GORASP2: variants seen among roughly 807,000 people sequenced by gnomAD.
GORASP2 encodes the protein golgi reassembly stacking protein 2, also known as Golgi reassembly-stacking protein 2.
Under a neutral mutation model 45.7 loss-of-function variants are expected in GORASP2, and 22 were observed. The observed-to-expected ratio is 0.48, with a 90% CI of 0.34 to 0.69. The LOEUF (loss-of-function observed/expected upper bound fraction) is 0.69. Among genes scored for constraint, GORASP2 ranks in the 30% least tolerant of loss-of-function variants. The probability of loss-of-function intolerance (pLI) is 0.01; values close to 1 mark genes in which losing one functional copy is unlikely to be tolerated. For synonymous variants in GORASP2, 221 were observed against 215.6 expected (o/e 1.02, Z -0.22); for missense variants, 491 against 562.7 (o/e 0.87, Z 1.29).
chr2:170,943,876 T>A (rs1395635645), intron 1 of GORASP2, among the ~76,000 whole-genome samples: 1 of 152,088 alleles, frequency 6.6e-6, no homozygotes, highest in African/African-American at 2.4e-5. Context: ...GAGTCTCACT[T>A]TGTTGCCCAA....
intron 1 of GORASP2, among the ~76,000 whole-genome samples, chr2:170,944,135 T>A (rs1281920930): frequency 2.0e-5 from 3 of 152,144 alleles, no homozygotes; most frequent in Non-Finnish European, 4.4e-5. Flanking sequence ...GGAGATCTCA[T>A]AGGGGATAGA....
At chr2:170,948,538 A>G (rs1704228145) in intron 2 of GORASP2, 108 bp downstream of exon 2, 1 of 627,484 alleles carries the variant, frequency 1.6e-6, no homozygotes, top group Non-Finnish European at 2.8e-6. Context: ...CATTATGTGT[A>G]GTATGCCAAT....
intron 3 of GORASP2, 109 bp downstream of exon 3, chr2:170,949,851 G>C (rs1704260600): frequency 2.0e-6 from 2 of 978,450 alleles, no homozygotes; most frequent in Admixed American, 4.4e-5. Flanking sequence ...TTATTAATAG[G>C]CAATTTTTGC....
At chr2:170,945,037 T>G (rs1255098431) in intron 1 of GORASP2, among the ~76,000 whole-genome samples, 1 of 152,184 alleles carries the variant, frequency 6.6e-6, no homozygotes, top group Non-Finnish European at 1.5e-5. Flanking sequence ...TCACTTTTCT[T>G]GTGACTCCAG....
At chr2:170,947,431 C>T (rs1370935982) in intron 1 of GORASP2, among the ~76,000 whole-genome samples, 1 of 152,182 alleles carries the variant, frequency 6.6e-6, no homozygotes, top group Non-Finnish European at 1.5e-5. Flanking sequence ...ATGTTCTACC[C>T]TCTTTTTAAA....
In GORASP2 at chr2:170,956,606, T is replaced by C. The variant is rs1298205664; in HGVS notation, c.823+47T>C. The stretch of plus-strand genomic sequence containing the variant: ...GTTTTCAGTCTATTTTATGTAATAT[T>C]ATTGCATAGAATTTTAAAAATTGAC... On this transcript the variant is annotated intron_variant, in intron 7 of 9. Transcript: ENST00000234160. The C allele has an allele frequency of 3.3e-6, 5 of 1,520,396 alleles. No homozygotes were observed. The African/African-American group carries it at 5.6e-5, about 17-fold the overall frequency. The allele number at this position is 1,520,396 out of a possible 1,614,324, so 94.2% of individuals were successfully genotyped here. A position where few individuals can be genotyped will look rare whatever the true frequency, so the allele number is the denominator to read the frequency against.
intron 7 of GORASP2, among the ~76,000 whole-genome samples, chr2:170,958,921 C>G (rs1168671310): frequency 2.6e-5 from 4 of 152,138 alleles, no homozygotes; most frequent in Non-Finnish European, 4.4e-5. Context: ...CCGCCCGCCT[C>G]TGCTGCCCCA....
Position 170,966,175 on chromosome 2 carries a change from G to C in GORASP2, c.*45G>C. 7.4e-7 allele frequency: 1 copy of C among 1,355,636 alleles called. No homozygotes were observed. Among genetic ancestry groups the C allele is most frequent in the Non-Finnish European group, 1.1e-6 (1 of 945,218 alleles). 84.0% of individuals were successfully genotyped at this position (1,355,636 alleles called of 1,614,324 possible). On this transcript the variant is annotated 3_prime_UTR_variant, in exon 10 of 10. Transcript: ENST00000234160. ...ATTGGCGTGGTATATTTAACCACGGGAGCGTGTCTGGAAACGCAAACTATC... is the reference window on the plus strand; with the variant it reads ...ATTGGCGTGGTATATTTAACCACGGCAGCGTGTCTGGAAACGCAAACTATC...
chr2:170,929,939 G>A (rs778155761), intron 1 of GORASP2: 4 of 361,660 alleles, frequency 1.1e-5, no homozygotes, highest in South Asian at 7.9e-5. Context: ...AAATGGCCTG[G>A]AAGTAGGTTC....
At chr2:170,943,158 T>C (rs979797441) in intron 1 of GORASP2, among the ~76,000 whole-genome samples, 5 of 152,266 alleles carry the variant, frequency 3.3e-5, no homozygotes, top group South Asian at 2.1e-4. Context: ...TATTCTCTTA[T>C]GTTTTTCTCT....
intron 1 of GORASP2, among the ~76,000 whole-genome samples, chr2:170,946,864 C>T (rs867620596): frequency 3.3e-5 from 5 of 151,918 alleles, no homozygotes; most frequent in Admixed American, 6.6e-5. Context: ...TGCTTGAACC[C>T]GGGAGGTGGA....
chr2:170,942,611 G>A (rs529831388), intron 1 of GORASP2, among the ~76,000 whole-genome samples: 11 of 152,288 alleles, frequency 7.2e-5, no homozygotes, highest in Admixed American at 4.6e-4. Flanking sequence ...TCAGTTGGGG[G>A]ACATTTGGGC....
At chr2:170,929,074 C>G (rs1703746770), upstream of GORASP2, 2 of 374,994 alleles carry the variant, frequency 5.3e-6, no homozygotes, top group African/African-American at 4.2e-5. Context: ...CGCGGTGCCT[C>G]CCAGTCCTCC....
At chr2:170,933,597 A>G (rs1447029973) in intron 1 of GORASP2, among the ~76,000 whole-genome samples, 1 of 152,244 alleles carries the variant, frequency 6.6e-6, no homozygotes, top group East Asian at 1.9e-4. Flanking sequence ...AAGGTTCTCT[A>G]AAAAATTATT....
chr2:170,961,516 G>A (rs1704559817), intron 7 of GORASP2, 147 bp from the exon 8 acceptor site: 1 of 663,096 alleles, frequency 1.5e-6, no homozygotes, highest in Admixed American at 2.1e-5. Flanking sequence ...CGTAAAGGGT[G>A]ATGGACAGTC....
intron 1 of GORASP2, among the ~76,000 whole-genome samples, chr2:170,930,409 A>G (rs1384596517): frequency 6.6e-6 from 1 of 152,186 alleles, no homozygotes; most frequent in Non-Finnish European, 1.5e-5. Context: ...AGTGTCACTC[A>G]ATATTAGCTC....
At chr2:170,937,607 T>C (rs1240775364) in intron 1 of GORASP2, among the ~76,000 whole-genome samples, 1 of 151,474 alleles carries the variant, frequency 6.6e-6, no homozygotes. Flanking sequence ...AGTTCAAGAG[T>C]AGCCGTGGCA....
At position 170,933,843 on chromosome 2, in the gene GORASP2, A is replaced by G. The variant is rs181341182; in HGVS notation, c.63+4440A>G. Among the ~76,000 whole-genome samples, 69 of 152,210 alleles carry G rather than the reference A, an allele frequency of 4.5e-4. No individual in the cohort carries two copies. In the Middle Eastern group the frequency reaches 0.014, roughly 30 times the overall value. On this transcript the variant is annotated intron_variant, in intron 1 of 9. Coordinates refer to ENST00000234160, the MANE Select transcript of GORASP2 (RefSeq NM_015530.5). The stretch of plus-strand genomic sequence containing the variant: ...TGCTTCTGGGAGAGATTTTGAGGTG[A>G]TGGATATTTTGAAGGAAGGGTCATT...
chr2:170,937,625 G>A (rs1703986110), intron 1 of GORASP2, among the ~76,000 whole-genome samples: 1 of 152,080 alleles, frequency 6.6e-6, no homozygotes. Flanking sequence ...GCAAAATATT[G>A]AGAGCTTGAG....
Sources: allele counts gnomAD v4.1 joint callset (sites outside exome capture counted in the v4.1 genomes callset), GRCh38; gene constraint gnomAD v4.1.1; transcripts MANE v1.5; gene names NCBI Gene and HGNC (gene_info 2026-07-23, HGNC 2026-07-21).